The following ADGRL3 variants were observed in gnomAD, a reference collection of about 807,000 sequenced individuals.
The protein encoded by ADGRL3 is calcium-independent alpha-latrotoxin receptor 3.
ADGRL3 carries 62 observed loss-of-function variants against 153.5 expected under a neutral mutation model. The ratio of observed to expected loss-of-function variants is 0.40; its 90% confidence interval spans 0.33 to 0.50. The LOEUF is 0.50. Among genes scored for constraint, ADGRL3 ranks in the 20% least tolerant of loss-of-function variants. ADGRL3 has a pLI of 0.47. For synonymous variants in ADGRL3, 710 were observed against 672.5 expected, an observed-to-expected ratio of 1.06 and a Z score of -0.86; for missense variants, 1,641 against 1,859.4, an observed-to-expected ratio of 0.88 and a Z score of 2.16.
At chr4:61,372,260 C>T (rs975261896) in intron 1 of ADGRL3, among the ~76,000 whole-genome samples, 3 of 152,126 alleles carry the variant, frequency 2.0e-5, no homozygotes, top group Non-Finnish European at 2.9e-5. Flanking sequence ...CAGCTTTGTT[C>T]CGTTGCTGGT....
chr4:61,871,740 G>C (rs1823536), intron 9 of ADGRL3, among the ~76,000 whole-genome samples: 1 of 151,960 alleles, frequency 6.6e-6, no homozygotes. Context: ...TGTACACTTA[G>C]GTAGCTGAAT....
chr4:61,939,552 C>T (rs543122474), intron 15 of ADGRL3, among the ~76,000 whole-genome samples: 58 of 152,032 alleles, frequency 3.8e-4, no homozygotes, highest in African/African-American at 1.3e-3. Context: ...TCACTGCAAC[C>T]TCCACCTCCC....
chr4:61,954,052 A>G (rs1244711532), intron 17 of ADGRL3, among the ~76,000 whole-genome samples: 1 of 152,028 alleles, frequency 6.6e-6, no homozygotes, highest in Non-Finnish European at 1.5e-5. Context: ...ACCTCATCTC[A>G]TGACTCTCAC....
chr4:62,002,429 T>C (rs1056991273), intron 21 of ADGRL3, among the ~76,000 whole-genome samples: 1 of 151,532 alleles, frequency 6.6e-6, no homozygotes, highest in African/African-American at 2.4e-5. Context: ...TAAATTATTA[T>C]TTTATTATCT....
rs189423831 is a variant in ADGRL3, at chr4:61,768,298, C to T, written c.1399+34744C>T. Among the ~76,000 whole-genome samples the T allele has an allele frequency of 5.3e-4, 81 of 151,946 alleles. 1 individual carries two copies. In the East Asian group the frequency reaches 9.5e-3, roughly 18 times the overall value. On this transcript the variant is annotated intron_variant, in intron 8 of 26. Transcript: ENST00000683033. ...ATAAAAAGATTACAGGGTGGAGGAGCGGAGGCTGAGGAAGAATTGGGGCCT... is the reference window on the plus strand; with the variant it reads ...ATAAAAAGATTACAGGGTGGAGGAGTGGAGGCTGAGGAAGAATTGGGGCCT...
chr4:61,294,197 G>A (rs9998310), intron 1 of ADGRL3, among the ~76,000 whole-genome samples: 45,007 of 152,034 alleles, frequency 0.3, 7,798 homozygotes, highest in East Asian at 0.42. Context: ...TCAGCCCTGC[G>A]ATCACGAGGG....
At chr4:61,253,934 A>C (rs1250364076) in intron 1 of ADGRL3, among the ~76,000 whole-genome samples, 1 of 152,152 alleles carries the variant, frequency 6.6e-6, no homozygotes, top group Non-Finnish European at 1.5e-5. Context: ...TGATTCTGTG[A>C]ACCACGATTA....
chr4:61,471,314 A>G (rs1287950051), intron 2 of ADGRL3, among the ~76,000 whole-genome samples: 1 of 151,942 alleles, frequency 6.6e-6, no homozygotes, highest in East Asian at 1.9e-4. Flanking sequence ...GTAGTATCCA[A>G]TTGATCAAAA....
intron 1 of ADGRL3, among the ~76,000 whole-genome samples, chr4:61,206,188 T>G (rs1277950587): frequency 6.6e-6 from 1 of 152,212 alleles, no homozygotes; most frequent in Non-Finnish European, 1.5e-5. Context: ...TAGTTTCAAT[T>G]TTAATGAATG....
At chr4:62,069,164 G>T (rs895732636) in intron 26 of ADGRL3, among the ~76,000 whole-genome samples, 1 of 152,096 alleles carries the variant, frequency 6.6e-6, no homozygotes, top group Admixed American at 6.5e-5. Flanking sequence ...TATGTGGTCA[G>T]ATTTATTTCA....
intron 4 of ADGRL3, among the ~76,000 whole-genome samples, chr4:61,545,679 A>C (rs1226037954): frequency 2.0e-5 from 3 of 151,770 alleles, no homozygotes; most frequent in Non-Finnish European, 4.4e-5. Context: ...ACACCCACCT[A>C]ATTTTTGTAC....
rs1233457071 is a variant in ADGRL3, at chr4:62,076,389, T to C, written c.*5481T>C. 2 of 152,018 alleles carry C rather than the reference T, an allele frequency of 1.3e-5. No homozygotes were observed. Among genetic ancestry groups the C allele is most frequent in the East Asian group, 3.9e-4 (2 of 5,174 alleles). The allele number at this position is 152,018 out of a possible 1,614,324, so 9.4% of individuals were successfully genotyped here. A position where few individuals can be genotyped will look rare whatever the true frequency, so the allele number is the denominator to read the frequency against. On this transcript the variant is annotated 3_prime_UTR_variant, in exon 27 of 27. Coordinates refer to ENST00000683033, the MANE Select transcript of ADGRL3 (RefSeq NM_001387552.1). ...AAGAACTTTGATTTATGTGAAGAAATCAAGAAAGACTATACATGAACAAAT... is the reference window on the plus strand; with the variant it reads ...AAGAACTTTGATTTATGTGAAGAAACCAAGAAAGACTATACATGAACAAAT...
At chr4:61,383,645 A>G (rs1426324118) in intron 2 of ADGRL3, among the ~76,000 whole-genome samples, 2 of 151,814 alleles carry the variant, frequency 1.3e-5, no homozygotes, top group Admixed American at 1.3e-4. Context: ...CAATTACATA[A>G]TTCATAATGT....
intron 11 of ADGRL3, among the ~76,000 whole-genome samples, chr4:61,903,192 A>G (rs772959787): frequency 1.3e-5 from 2 of 152,174 alleles, no homozygotes; most frequent in Non-Finnish European, 2.9e-5. Flanking sequence ...CTTTTTATGT[A>G]TCATATTCTT....
At chr4:61,377,078 A>G (rs1032211015) in intron 1 of ADGRL3, among the ~76,000 whole-genome samples, 2 of 152,114 alleles carry the variant, frequency 1.3e-5, no homozygotes, top group Non-Finnish European at 2.9e-5. Context: ...GGCTGGGTAT[A>G]TAGAAGACAC....
At chr4:61,725,321 G>A (rs2096309786) in intron 6 of ADGRL3, among the ~76,000 whole-genome samples, 1 of 152,044 alleles carries the variant, frequency 6.6e-6, no homozygotes, top group South Asian at 2.1e-4. Context: ...GCATTTAAAT[G>A]TCTACTTAAG....
intron 1 of ADGRL3, among the ~76,000 whole-genome samples, chr4:61,267,921 T>C (rs1053568130): frequency 4.0e-5 from 6 of 151,648 alleles, no homozygotes; most frequent in African/African-American, 7.2e-5. Flanking sequence ...TGAAAATACT[T>C]TAAAAAATAA....
At chr4:61,554,255 G>A (rs376138605) in intron 4 of ADGRL3, among the ~76,000 whole-genome samples, 41 of 151,330 alleles carry the variant, frequency 2.7e-4, no homozygotes, top group African/African-American at 9.7e-4. Flanking sequence ...GTGCAGTGGC[G>A]CATTCTTGGC....
chr4:61,623,119 G>T (rs1169023967), intron 5 of ADGRL3, among the ~76,000 whole-genome samples: 47 of 152,036 alleles, frequency 3.1e-4, no homozygotes, highest in Admixed American at 3.1e-3. Context: ...CAATGGCCTG[G>T]AATAACACGT....
Sources: gnomAD v4.1 joint callset for allele counts (sites outside exome capture counted in the v4.1 genomes callset) on GRCh38, gnomAD v4.1.1 for gene constraint, MANE v1.5 for transcripts, NCBI Gene and HGNC (gene_info 2026-07-23, HGNC 2026-07-21) for gene names.